The following PTPN13 variants were observed in gnomAD, a reference collection of about 807,000 sequenced individuals.
The protein encoded by PTPN13 is protein tyrosine phosphatase non-receptor type 13.
A neutral mutation model predicts 284.0 loss-of-function variants in PTPN13; 191 were observed. The observed-to-expected ratio is 0.67, with a 90% CI of 0.60 to 0.76. The LOEUF (loss-of-function observed/expected upper bound fraction) is 0.76, where lower values mean the gene tolerates loss of function less well. Among genes scored for constraint, PTPN13 ranks in the 30% least tolerant of loss-of-function variants. The pLI is 0.00. For synonymous variants in PTPN13, 986 were observed against 1,022.3 expected (o/e 0.96, Z 0.68); for missense variants, 2,797 against 2,939.9 (o/e 0.95, Z 1.12).
At chr4:86,763,627 G>C (rs1738957425) in intron 24 of PTPN13, among the ~76,000 whole-genome samples, 1 of 152,172 alleles carries the variant, frequency 6.6e-6, no homozygotes, top group Non-Finnish European at 1.5e-5. Context: ...GCTCATTCTG[G>C]CTGGGCACAG....
chr4:86,752,815 G>A (rs1221243672), intron 19 of PTPN13, among the ~76,000 whole-genome samples, 194 bp from the exon 20 acceptor site: 2 of 152,006 alleles, frequency 1.3e-5, no homozygotes, highest in East Asian at 1.9e-4. Context: ...AATTTATGCT[G>A]CAAAATAAGT....
At chr4:86,598,986 C>G (rs1764065022) in intron 1 of PTPN13, among the ~76,000 whole-genome samples, 1 of 152,088 alleles carries the variant, frequency 6.6e-6, no homozygotes, top group South Asian at 2.1e-4. Flanking sequence ...TCTTAAACTC[C>G]CTGGCCTAAA....
chr4:86,790,063 A>G (rs1310230607), intron 40 of PTPN13, among the ~76,000 whole-genome samples: 1 of 152,148 alleles, frequency 6.6e-6, no homozygotes, highest in Non-Finnish European at 1.5e-5. Context: ...TTCTAAAATC[A>G]TTATACACAT....
At chr4:86,744,492 A>G (rs1028404742) in intron 16 of PTPN13, among the ~76,000 whole-genome samples, 3 of 152,186 alleles carry the variant, frequency 2.0e-5, no homozygotes, top group African/African-American at 7.2e-5. Flanking sequence ...GTGGCAAACG[A>G]TGTTAATTTA....
intron 23 of PTPN13, among the ~76,000 whole-genome samples, 192 bp downstream of exon 23, chr4:86,759,265 A>G (rs935177355): frequency 1.3e-5 from 2 of 152,174 alleles, no homozygotes; most frequent in African/African-American, 4.8e-5. Flanking sequence ...TGTAGTTAAT[A>G]TTACATAATA....
Position 86,701,721 on chromosome 4 carries a change from C to T in PTPN13, c.1115C>T (p.Ser372Leu), listed in dbSNP as rs370081388. The T allele has an allele frequency of 9.9e-6, 16 of 1,613,788 alleles. No homozygotes were observed. The highest frequency in any genetic ancestry group is 1.3e-5 in the Non-Finnish European group (15 of 1,179,856). ...CACACTCGAGAATTGCCCACCTCCTCAGCAATATCAAGTGCTTTGGACCGA... is the reference window on the plus strand; with the variant it reads ...CACACTCGAGAATTGCCCACCTCCTTAGCAATATCAAGTGCTTTGGACCGA... ...IYHTRELPTS[S>L]AISSALDRIR... Residue 372 changes from serine to leucine, a missense_variant, in exon 7 of 48, where the codon TCA (serine) becomes TTA (leucine). Ser to Leu is a moderately radical substitution (Grantham distance 145). Transcript: ENST00000411767.
Position 86,727,562 on chromosome 4 carries a change from A to G in PTPN13, c.1609-4838A>G, listed in dbSNP as rs1211054275. ...CTTGGGAGGGTGTATGTGTCCAGGA[A>G]TTCATCCATTTCTTCTAGATTTTCT... On this transcript the variant is annotated intron_variant, in intron 10 of 47. Coordinates refer to ENST00000411767, the MANE Select transcript of PTPN13 (RefSeq NM_080683.3). Among the ~76,000 whole-genome samples, 2 of 149,346 alleles carry G rather than the reference A, an allele frequency of 1.3e-5. 1 individual carries two copies. Among genetic ancestry groups the G allele is most frequent in the Non-Finnish European group, 3.0e-5 (2 of 66,558 alleles).
intron 10 of PTPN13, among the ~76,000 whole-genome samples, chr4:86,731,977 A>G (rs1366080823): frequency 6.6e-6 from 1 of 152,216 alleles, no homozygotes; most frequent in Non-Finnish European, 1.5e-5. Flanking sequence ...TTTCTAAGAC[A>G]ATGAGATTCT....
chr4:86,728,956 G>T (rs1734638499), intron 10 of PTPN13, among the ~76,000 whole-genome samples: 1 of 148,324 alleles, frequency 6.7e-6, no homozygotes, highest in Admixed American at 6.8e-5. Context: ...TTACAATTTG[G>T]CATGTTTTTG....
intron 7 of PTPN13, among the ~76,000 whole-genome samples, chr4:86,707,820 A>G (rs891941209): frequency 8.5e-5 from 13 of 152,196 alleles, no homozygotes; most frequent in African/African-American, 3.1e-4. Flanking sequence ...GAGAATAAGC[A>G]GGGATTTTCT....
chr4:86,759,177 G>T, intron 23 of PTPN13, 104 bp downstream of exon 23: 1 of 1,213,034 alleles, frequency 8.2e-7, no homozygotes, highest in Non-Finnish European at 1.1e-6. Context: ...CAAAATTGAT[G>T]CAACTTAAGT....
rs779377700 is a variant in PTPN13, at chr4:86,764,602, T to C, written c.4027T>C (p.Ser1343Pro). ...GTTTTTCTTTGTTAAGGAATCTTCCTCTTCAGTGAATACATCCAACAAGAT... is the reference window on the plus strand; with the variant it reads ...GTTTTTCTTTGTTAAGGAATCTTCCCCTTCAGTGAATACATCCAACAAGAT... ...DHQTPKQESSSSVNTSNKMNF... is the reference protein window; with the variant it reads ...DHQTPKQESSPSVNTSNKMNF... Residue 1343 changes from serine to proline, a missense_variant, in exon 25 of 48, where the codon TCT (serine) becomes CCT (proline). Coordinates refer to ENST00000411767, the MANE Select transcript of PTPN13 (RefSeq NM_080683.3). The C allele has an allele frequency of 1.3e-5, 20 of 1,498,422 alleles. No homozygotes were observed. The Admixed American group carries it at 2.5e-4, about 19-fold the overall frequency. The allele number at this position is 1,498,422 out of a possible 1,614,324, so 92.8% of individuals were successfully genotyped here. A position where few individuals can be genotyped will look rare whatever the true frequency, so the allele number is the denominator to read the frequency against.
chr4:86,681,033 GTGA>G (rs369292424), intron 3 of PTPN13, among the ~76,000 whole-genome samples: 116 of 152,156 alleles, frequency 7.6e-4, no homozygotes, highest in Non-Finnish European at 5.0e-4. Flanking sequence ...TTTGATGATG[GTGA>G]TGATGATGAT....
rs1733061172 is a variant in PTPN13, at chr4:86,716,685, AAT to A, written c.1291+62_1291+63del. On this transcript the variant is annotated intron_variant, in intron 8 of 47. Transcript: ENST00000411767. ...AGAAACCACGATTATTATTATTTTC[AAT>A]AGTGTTCAAATATTAATATAAATTG... is the stretch of plus-strand genomic sequence containing the variant. The A allele has an allele frequency of 4.4e-6, 5 of 1,148,906 alleles. No homozygotes were observed. The South Asian group carries it at 7.2e-5, about 16-fold the overall frequency. 71.2% of individuals were successfully genotyped at this position (1,148,906 alleles called of 1,614,324 possible). A position where few individuals can be genotyped will look rare whatever the true frequency, so the allele number is the denominator to read the frequency against.
chr4:86,802,547 C>A (rs1293797976), intron 42 of PTPN13, among the ~76,000 whole-genome samples: 1 of 152,140 alleles, frequency 6.6e-6, no homozygotes, highest in East Asian at 1.9e-4. Context: ...GCCTTAAAAA[C>A]TTCTGAACGT....
intron 1 of PTPN13, among the ~76,000 whole-genome samples, chr4:86,605,832 GAT>G (rs1000368858): frequency 6.6e-6 from 1 of 151,836 alleles, no homozygotes; most frequent in African/African-American, 2.4e-5. Flanking sequence ...AAAATAAAGA[GAT>G]ATAGGTAAAG....
chr4:86,781,229 G>A (rs905075977), intron 36 of PTPN13, among the ~76,000 whole-genome samples: 7 of 152,054 alleles, frequency 4.6e-5, no homozygotes, highest in African/African-American at 1.7e-4. Flanking sequence ...TTCCCAAATA[G>A]AGGTTCTTAA....
chr4:86,638,341 A>G (rs1480988084), intron 2 of PTPN13, among the ~76,000 whole-genome samples: 1 of 152,174 alleles, frequency 6.6e-6, no homozygotes, highest in Non-Finnish European at 1.5e-5. Context: ...TAAAGTTCAT[A>G]TGGAACCAAA....
rs766893925 is a variant in PTPN13 at position 86,775,469 on chromosome 4, G to A, written c.5708G>A (p.Ser1903Asn). Residue 1903 changes from serine to asparagine, a missense_variant, in exon 35 of 48, where the codon AGC becomes AAC. Ser to Asn is a conservative substitution (Grantham distance 46). Coordinates refer to ENST00000411767, the MANE Select transcript of PTPN13 (RefSeq NM_080683.3). ...LGFSLCGGHD[S>N]LYQVVYISDI... ...TTTTCCTTATGTGGAGGTCATGACA[G>A]CCTTTATCAAGTGGTATATATTAGT... 1 of 1,608,702 alleles carries A rather than the reference G, an allele frequency of 6.2e-7. No individual in the cohort carries two copies.
Sources: gnomAD v4.1 joint callset for allele counts (sites outside exome capture counted in the v4.1 genomes callset) on GRCh38, gnomAD v4.1.1 for gene constraint, MANE v1.5 for transcripts, NCBI Gene and HGNC (gene_info 2026-07-23, HGNC 2026-07-21) for gene names.